The following PEPD variants were observed in gnomAD, a reference collection of about 807,000 sequenced individuals.
PEPD encodes the protein peptidase D, also known as xaa-Pro dipeptidase.
Under a neutral mutation model 60.7 loss-of-function variants are expected in PEPD, and 53 were observed. That is an observed-to-expected ratio of 0.87 (90% CI 0.70 to 1.10). PEPD has a LOEUF of 1.10. PEPD is among the 50% of genes least tolerant of loss of function. The pLI is 0.00. For missense variants in PEPD, 711 were observed against 711.9 expected (o/e 1.00, Z 0.01); for synonymous variants, 267 against 284.1 (o/e 0.94, Z 0.60).
intron 7 of PEPD, among the ~76,000 whole-genome samples, chr19:33,475,587 C>T (rs1374907644): frequency 6.6e-6 from 1 of 152,168 alleles, no homozygotes; most frequent in African/African-American, 2.4e-5. Flanking sequence ...GAAAATGTCA[C>T]TTGAATTAAA....
In PEPD at chr19:33,519,340, C is replaced by T. The variant is rs116832982; in HGVS notation, c.17+2404G>A. Among the ~76,000 whole-genome samples, 410 of 152,344 alleles carry T rather than the reference C, an allele frequency of 2.7e-3. 2 individuals carry two copies. The highest frequency in any genetic ancestry group is 9.2e-3 in the African/African-American group (384 of 41,582). On this transcript the variant is annotated intron_variant, in intron 1 of 14. Coordinates refer to ENST00000244137, the MANE Select transcript of PEPD (RefSeq NM_000285.4). ...ATGCTAGTTTAGGGCTTCCCCTACTCCCCAAATCATATGGGGCACACCCCA... is the reference window on the plus strand; with the variant it reads ...ATGCTAGTTTAGGGCTTCCCCTACTTCCCAAATCATATGGGGCACACCCCA...
chr19:33,445,878 C>A (rs1374410171), intron 9 of PEPD, among the ~76,000 whole-genome samples: 1 of 152,152 alleles, frequency 6.6e-6, no homozygotes, highest in African/African-American at 2.4e-5. Context: ...TCCCTTCCCC[C>A]AAGCCAGCTC....
At chr19:33,431,992 C>CAA (rs906879187) in intron 9 of PEPD, among the ~76,000 whole-genome samples, 8,998 of 77,712 alleles carry the variant, frequency 0.12, 704 homozygotes, top group Non-Finnish European at 0.15. Context: ...GACACCACCT[C>CAA]AAAAAAAAAA....
intron 3 of PEPD, 100 bp downstream of exon 3, chr19:33,510,927 TC>T: frequency 3.2e-6 from 4 of 1,255,152 alleles, no homozygotes; most frequent in Non-Finnish European, 4.5e-6. Flanking sequence ...TCTTCCCTCC[TC>T]CCCGTCCCCA....
chr19:33,432,855 C>A (rs1047170107), intron 9 of PEPD, among the ~76,000 whole-genome samples: 3 of 152,236 alleles, frequency 2.0e-5, no homozygotes, highest in Non-Finnish European at 4.4e-5. Flanking sequence ...GCTCCCAGTA[C>A]CCACAGCCTG....
At chr19:33,468,872 G>A (rs989604164) in intron 7 of PEPD, among the ~76,000 whole-genome samples, 3 of 152,154 alleles carry the variant, frequency 2.0e-5, no homozygotes, top group Non-Finnish European at 2.9e-5. Context: ...GCCGTATGGC[G>A]GGTGCAGTCC....
intron 8 of PEPD, 91 bp downstream of exon 8, chr19:33,463,896 G>C: frequency 1.2e-6 from 1 of 834,824 alleles, no homozygotes; most frequent in South Asian, 1.4e-5. Context: ...AGGGATTAGA[G>C]CCCACCTGGA....
At chr19:33,420,681 G>A (rs1354721081) in intron 9 of PEPD, among the ~76,000 whole-genome samples, 1 of 150,558 alleles carries the variant, frequency 6.6e-6, no homozygotes, top group Admixed American at 6.6e-5. Flanking sequence ...CAGCCTGGGC[G>A]ACAAAGCCAG....
At position 33,521,786 on chromosome 19, in the gene PEPD, A is replaced by C. The variant is rs774230871; in HGVS notation, c.-26T>G. On this transcript the variant is annotated 5_prime_UTR_variant, in exon 1 of 15. Transcript: ENST00000244137. Reference sequence around the variant, plus strand: ...GTTCGCCCGGCACCGGCGTCACGTGAAGTGCGGCGTCAGCTGAGCCCCTCC... The same window carrying C: ...GTTCGCCCGGCACCGGCGTCACGTGCAGTGCGGCGTCAGCTGAGCCCCTCC... 1.9e-6 allele frequency: 3 copies of C among 1,564,986 alleles called. No homozygotes were observed. The African/African-American group carries it at 4.1e-5, about 21-fold the overall frequency.
Position 33,401,835 on chromosome 19 carries a change from C to T in PEPD, c.853G>A (p.Ala285Thr), listed in dbSNP as rs767798921. Residue 285 changes from alanine (A) to threonine (T), a missense_variant, in exon 12 of 15, where the codon GCT becomes ACT. Physicochemically the swap from Ala to Thr is moderately conservative, Grantham distance 58. Transcript: ENST00000244137. The stretch of plus-strand genomic sequence containing the variant: ...GGAAAGGAGCAGGTGATGTCGGAAG[C>T]GAAGCAGTAATACTCACCGCCCATG... ...FDMGGEYYCF[A>T]SDITCSFPAN... is the part of the protein sequence containing the mutation. 26 of 1,613,240 alleles carry T rather than the reference C, an allele frequency of 1.6e-5. No homozygotes were observed. Among genetic ancestry groups the T allele is most frequent in the South Asian group, 1.3e-4 (12 of 91,052 alleles).
chr19:33,487,646 C>A (rs918141988), intron 6 of PEPD, among the ~76,000 whole-genome samples: 1 of 152,190 alleles, frequency 6.6e-6, no homozygotes, highest in African/African-American at 2.4e-5. Flanking sequence ...GGGTGAGCAC[C>A]CCCCAGTCAG....
At chr19:33,423,010 A>G (rs1218556730) in intron 9 of PEPD, among the ~76,000 whole-genome samples, 3 of 151,828 alleles carry the variant, frequency 2.0e-5, no homozygotes, top group African/African-American at 4.8e-5. Context: ...CCTATCGTCT[A>G]TCCATCCAGC....
At chr19:33,431,610 C>T (rs1969276345) in intron 9 of PEPD, among the ~76,000 whole-genome samples, 1 of 152,216 alleles carries the variant, frequency 6.6e-6, no homozygotes, top group South Asian at 2.1e-4. Context: ...TCCCAATTAA[C>T]ACCCATCTGG....
Position 33,418,471 on chromosome 19 carries a change from T to G in PEPD, c.672-4828A>C, listed in dbSNP as rs149326078. ...GAGCCCTGGCATAGCTCCTTTTGCA[T>G]GGAACCAGAAGCACGTACTACATTC... On this transcript the variant is annotated intron_variant, in intron 9 of 14. Coordinates refer to ENST00000244137, the MANE Select transcript of PEPD (RefSeq NM_000285.4). Among the ~76,000 whole-genome samples the G allele has an allele frequency of 9.0e-3, 1,365 of 152,324 alleles. 12 individuals are homozygous for G. Among genetic ancestry groups the G allele is most frequent in the Middle Eastern group, 0.031 (9 of 294 alleles).
At chr19:33,465,536 C>T (rs1288782619) in intron 7 of PEPD, among the ~76,000 whole-genome samples, 1 of 152,104 alleles carries the variant, frequency 6.6e-6, no homozygotes, top group Admixed American at 6.5e-5. Flanking sequence ...GGGGCCACTC[C>T]AGCACCAAAA....
chr19:33,395,977 C>T (rs1161569827), intron 12 of PEPD: 1 of 152,534 alleles, frequency 6.6e-6, no homozygotes, highest in African/African-American at 2.4e-5. Context: ...GGGACCCACT[C>T]ACCCTGCGTG....
chr19:33,391,703 T>C (rs1167837889), intron 12 of PEPD, among the ~76,000 whole-genome samples: 6 of 152,180 alleles, frequency 3.9e-5, no homozygotes, highest in African/African-American at 1.2e-4. Context: ...GGACCCTTCT[T>C]GTCCCTCCAT....
intron 9 of PEPD, among the ~76,000 whole-genome samples, chr19:33,436,197 G>A (rs1969372581): frequency 6.6e-6 from 1 of 151,654 alleles, no homozygotes; most frequent in Non-Finnish European, 1.5e-5. Context: ...AGAGGAGAAG[G>A]AAGAGGAAAG....
At chr19:33,521,606 G>A in intron 1 of PEPD, 138 bp downstream of exon 1, 1 of 944,634 alleles carries the variant, frequency 1.1e-6, no homozygotes, top group South Asian at 1.4e-5. Flanking sequence ...ACCGGCGCTG[G>A]GACTCCGGGC....
Sources: gnomAD v4.1 joint callset for allele counts (sites outside exome capture counted in the v4.1 genomes callset) on GRCh38, gnomAD v4.1.1 for gene constraint, MANE v1.5 for transcripts, NCBI Gene and HGNC (gene_info 2026-07-23, HGNC 2026-07-21) for gene names.